The following GAS2 variants were observed in gnomAD, a reference collection of about 807,000 sequenced individuals.
GAS2 encodes growth arrest specific 2, also known as growth arrest-specific protein 2.
A neutral mutation model predicts 37.5 loss-of-function variants in GAS2; 20 were observed. The ratio of observed to expected loss-of-function variants is 0.53; its 90% CI spans 0.37 to 0.77. The LOEUF (loss-of-function observed/expected upper bound fraction) is 0.77, where lower values mean the gene tolerates loss of function less well. GAS2 is among the 30% of genes least tolerant of loss of function. GAS2 has a pLI of 0.00. For synonymous variants in GAS2, 144 were observed against 132.2 expected (o/e 1.09, Z -0.61); for missense variants, 336 against 373.4 (o/e 0.90, Z 0.82).
intron 7 of GAS2, among the ~76,000 whole-genome samples, chr11:22,796,310 A>G (rs762025562): frequency 6.6e-6 from 1 of 152,064 alleles, no homozygotes; most frequent in Non-Finnish European, 1.5e-5. Flanking sequence ...CACATTTTCT[A>G]TAGTTTCCAG....
In GAS2 at chr11:22,636,373, G is replaced by T. The variant is rs1461337714; in HGVS notation, c.-21+10560G>T. On this transcript the variant is annotated intron_variant, in intron 1 of 5. Transcript: ENST00000528582. ...AACCTACCTCACGGGCCCTGGTAAG[G>T]ATTAAATGGGGTAACAAATATAAAA... 2.0e-5 allele frequency among the ~76,000 whole-genome samples: 3 copies of T among 152,126 alleles called. No individual in the cohort carries two copies. In the East Asian group the frequency reaches 5.8e-4, roughly 29 times the overall value.
intron 3 of GAS2, among the ~76,000 whole-genome samples, chr11:22,700,304 G>A (rs892488163): frequency 5.3e-5 from 8 of 152,120 alleles, no homozygotes; most frequent in East Asian, 3.8e-4. Context: ...ACTGTTATCC[G>A]TGGGTTTTAG....
intron 1 of GAS2, among the ~76,000 whole-genome samples, chr11:22,636,044 T>A (rs945189926): frequency 6.6e-6 from 1 of 152,208 alleles, no homozygotes; most frequent in African/African-American, 2.4e-5. Context: ...GACTCAGTTT[T>A]CCACCTGGCT....
intron 7 of GAS2, among the ~76,000 whole-genome samples, chr11:22,797,205 A>C (rs1049706049): frequency 6.6e-6 from 1 of 152,064 alleles, no homozygotes; most frequent in African/African-American, 2.4e-5. Context: ...GTGCTCCTAC[A>C]CATATTTCCA....
At chr11:22,779,589 T>C (rs1261907201) in intron 7 of GAS2, among the ~76,000 whole-genome samples, 1 of 152,016 alleles carries the variant, frequency 6.6e-6, no homozygotes, top group Non-Finnish European at 1.5e-5. Flanking sequence ...TCCCAGCTAC[T>C]TGGGAGGCTG....
chr11:22,720,529 AAG>A (rs1208299021), intron 3 of GAS2, among the ~76,000 whole-genome samples: 1 of 152,084 alleles, frequency 6.6e-6, no homozygotes, highest in Non-Finnish European at 1.5e-5. Context: ...ATTTTATTGA[AAG>A]AGATTATTTT....
intron 3 of GAS2, among the ~76,000 whole-genome samples, chr11:22,725,062 C>G (rs1227595645): frequency 1.3e-5 from 2 of 151,962 alleles, no homozygotes; most frequent in Non-Finnish European, 2.9e-5. Flanking sequence ...CTTGTTGAGG[C>G]AAAGTCCTAT....
intron 4 of GAS2, among the ~76,000 whole-genome samples, chr11:22,736,120 T>G (rs1434037059): frequency 1.3e-5 from 2 of 152,036 alleles, no homozygotes; most frequent in Non-Finnish European, 2.9e-5. Flanking sequence ...ATGAAATTGA[T>G]GCCTGTGTGG....
intron 4 of GAS2, among the ~76,000 whole-genome samples, chr11:22,734,498 C>T (rs951214637): frequency 6.6e-6 from 1 of 151,550 alleles, no homozygotes; most frequent in African/African-American, 2.4e-5. Context: ...TCCAGAGTTT[C>T]TCTCACTGTC....
chr11:22,648,769 G>GATTTTGTATCCT (rs1484879246), intron 1 of GAS2, among the ~76,000 whole-genome samples: 3 of 152,162 alleles, frequency 2.0e-5, no homozygotes, highest in African/African-American at 7.2e-5. Context: ...TTTGTACATT[G>GATTTTGTATCCT]ATTTTGTATC....
At chr11:22,738,275 A>G (rs991681862) in intron 5 of GAS2, among the ~76,000 whole-genome samples, 4 of 152,264 alleles carry the variant, frequency 2.6e-5, no homozygotes, top group Non-Finnish European at 4.4e-5. Flanking sequence ...AGGGAAAGAC[A>G]TAGAATGTTA....
chr11:22,668,965 G>GTAAC (rs1184183778), intron 1 of GAS2, among the ~76,000 whole-genome samples: 3 of 152,140 alleles, frequency 2.0e-5, no homozygotes, highest in Admixed American at 6.5e-5. Flanking sequence ...ATGAACTGGA[G>GTAAC]TAACAGTAGA....
At chr11:22,766,919 A>G (rs1329470803) in intron 7 of GAS2, among the ~76,000 whole-genome samples, 1 of 152,136 alleles carries the variant, frequency 6.6e-6, no homozygotes, top group Non-Finnish European at 1.5e-5. Context: ...TGCATTTTGT[A>G]TCATTTTTTA....
intron 4 of GAS2, among the ~76,000 whole-genome samples, chr11:22,728,144 T>C (rs1195475810): frequency 1.3e-5 from 2 of 152,046 alleles, no homozygotes; most frequent in African/African-American, 4.8e-5. Context: ...TACTATAGGA[T>C]AAATTGGTTA....
chr11:22,740,881 T>C (rs1406292260), intron 5 of GAS2, among the ~76,000 whole-genome samples: 1 of 152,228 alleles, frequency 6.6e-6, no homozygotes, highest in Non-Finnish European at 1.5e-5. Context: ...GGGAGAGCTC[T>C]CAATAATCAC....
intron 7 of GAS2, among the ~76,000 whole-genome samples, chr11:22,784,918 G>A (rs61892170): frequency 0.16 from 24,365 of 152,008 alleles, 1,954 homozygotes; most frequent in Non-Finnish European, 0.17. Context: ...ACCACTTTGC[G>A]TCTTCTGGCA....
At chr11:22,732,677 AG>A (rs961187335) in intron 4 of GAS2, among the ~76,000 whole-genome samples, 1 of 151,596 alleles carries the variant, frequency 6.6e-6, no homozygotes, top group Non-Finnish European at 1.5e-5. Flanking sequence ...GAAGCATGAA[AG>A]TTTTTATGTA....
chr11:22,737,429 T>C (rs371602588), intron 4 of GAS2, among the ~76,000 whole-genome samples: 3 of 152,180 alleles, frequency 2.0e-5, no homozygotes, highest in Admixed American at 2.0e-4. Context: ...AAAACATTTT[T>C]AGGGTGAGAT....
chr11:22,666,080 C>A (rs1848980139), upstream of GAS2, among the ~76,000 whole-genome samples: 1 of 152,234 alleles, frequency 6.6e-6, no homozygotes, highest in African/African-American at 2.4e-5. Context: ...GAACATCTGT[C>A]CACTTCATGG....
Sources: gnomAD v4.1 joint callset for allele counts (sites outside exome capture counted in the v4.1 genomes callset) on GRCh38, gnomAD v4.1.1 for gene constraint, MANE v1.5 for transcripts, NCBI Gene and HGNC (gene_info 2026-07-23, HGNC 2026-07-21) for gene names.